The following LRRC4C variants were observed in gnomAD, a reference collection of about 807,000 sequenced individuals.
The protein encoded by LRRC4C is leucine rich repeat containing 4C, also known as leucine-rich repeat-containing protein 4C.
Under a neutral mutation model 33.6 loss-of-function variants are expected in LRRC4C, and 5 were observed. That is an observed-to-expected ratio of 0.15 (90% CI 0.08 to 0.31). LRRC4C has a LOEUF of 0.31. LRRC4C is among the 10% of genes least tolerant of loss of function. The probability of loss-of-function intolerance (pLI) is 1.00; values close to 1 mark genes in which losing one functional copy is unlikely to be tolerated. For missense variants in LRRC4C, 560 were observed against 796.7 expected (o/e 0.70, Z 3.58); for synonymous variants, 329 against 302.0 (o/e 1.09, Z -0.93).
chr11:40,351,359 A>G (rs1186143672), intron 3 of LRRC4C, among the ~76,000 whole-genome samples: 4 of 151,784 alleles, frequency 2.6e-5, no homozygotes, highest in African/African-American at 9.7e-5. Context: ...TGCTGAGGAG[A>G]AGAATGTGCA....
Position 40,771,220 on chromosome 11 carries a change from C to A in LRRC4C, c.-406-122942G>T, listed in dbSNP as rs181250769. Among the ~76,000 whole-genome samples, 15 of 152,300 alleles carry A rather than the reference C, an allele frequency of 9.8e-5. No individual in the cohort carries two copies. The South Asian group carries it at 1.2e-3, about 13-fold the overall frequency. On this transcript the variant is annotated intron_variant, in intron 2 of 6. Transcript: ENST00000528697. ...CAAACCTCAATCCTTGTCTTCTGTGCACCCACAGGACAAACACCACGTGGA... is the reference window on the plus strand; with the variant it reads ...CAAACCTCAATCCTTGTCTTCTGTGAACCCACAGGACAAACACCACGTGGA...
chr11:41,206,225 C>T (rs925096267), intron 1 of LRRC4C, among the ~76,000 whole-genome samples: 1 of 151,996 alleles, frequency 6.6e-6, no homozygotes, highest in Non-Finnish European at 1.5e-5. Context: ...ACATTTCCAC[C>T]AGGTTGGCTT....
At chr11:40,214,225 C>T (rs1863812792) in intron 5 of LRRC4C, among the ~76,000 whole-genome samples, 1 of 152,108 alleles carries the variant, frequency 6.6e-6, no homozygotes, top group African/African-American at 2.4e-5. Context: ...AAATCCTGTC[C>T]TTATGGCAAA....
intron 1 of LRRC4C, among the ~76,000 whole-genome samples, chr11:41,406,706 CCACACACACACACACACA>C (rs112867786): frequency 8.7e-5 from 12 of 138,302 alleles, no homozygotes; most frequent in South Asian, 2.4e-4. Context: ...TACACATTCA[CCACACACACACACACACA>C]CACACACACA....
intron 1 of LRRC4C, among the ~76,000 whole-genome samples, chr11:41,191,510 C>CT (rs1945947481): frequency 6.6e-6 from 1 of 152,246 alleles, no homozygotes; most frequent in African/African-American, 2.4e-5. Context: ...TCTATCATTA[C>CT]TGCCAAAGTT....
intron 1 of LRRC4C, among the ~76,000 whole-genome samples, chr11:40,978,782 C>T (rs990914077): frequency 1.6e-4 from 24 of 151,822 alleles, no homozygotes; most frequent in African/African-American, 3.1e-4. Context: ...CAACCATGCC[C>T]GGCTATTTTT....
At chr11:40,420,679 T>C (rs1950491763) in intron 3 of LRRC4C, among the ~76,000 whole-genome samples, 1 of 152,212 alleles carries the variant, frequency 6.6e-6, no homozygotes, top group Non-Finnish European at 1.5e-5. Flanking sequence ...GAAAGTAACA[T>C]AAACAACCTG....
rs1194251098 is a variant in LRRC4C at position 40,515,081 on chromosome 11, G to T, written c.-270+133061C>A. 2.0e-5 allele frequency among the ~76,000 whole-genome samples: 3 copies of T among 152,194 alleles called. No homozygotes were observed. In the East Asian group the frequency reaches 5.8e-4, roughly 29 times the overall value. On this transcript the variant is annotated intron_variant, in intron 3 of 6. Coordinates refer to ENST00000528697, the MANE Select transcript of LRRC4C (RefSeq NM_001258419.2). ...GATCTTTGAATTTACTCTAGATTCA[G>T]ATATTTCATATTCTCAAACAAAACG...
intron 3 of LRRC4C, among the ~76,000 whole-genome samples, chr11:40,605,971 A>G (rs147000095): frequency 1.3e-5 from 2 of 152,216 alleles, no homozygotes; most frequent in African/African-American, 4.8e-5. Context: ...CATTCTCTAG[A>G]TGGCTGGGGG....
intron 5 of LRRC4C, among the ~76,000 whole-genome samples, chr11:40,192,882 G>C (rs1222627477): frequency 2.0e-5 from 3 of 152,184 alleles, no homozygotes; most frequent in Non-Finnish European, 4.4e-5. Context: ...CAAAGCCGCT[G>C]TAGCCAGACT....
At chr11:41,374,785 G>T (rs1200327791) in intron 1 of LRRC4C, among the ~76,000 whole-genome samples, 1 of 152,008 alleles carries the variant, frequency 6.6e-6, no homozygotes, top group African/African-American at 2.4e-5. Context: ...ATTTTTTCTT[G>T]AGGGTTGTAT....
In LRRC4C at chr11:41,184,648, C is replaced by T. The variant is rs568469128; in HGVS notation, c.-495-250925G>A. Among the ~76,000 whole-genome samples the T allele has an allele frequency of 5.1e-4, 78 of 152,120 alleles. 1 individual carries two copies. The highest frequency in any genetic ancestry group is 1.9e-3 in the African/African-American group (77 of 41,506). ...TACTTTCCCACATTTTCCTGTCTTC[C>T]TCTAAACCCTCCAAACTGTTCCAAT... On this transcript the variant is annotated intron_variant, in intron 1 of 6. Transcript: ENST00000528697.
intron 1 of LRRC4C, among the ~76,000 whole-genome samples, chr11:41,436,990 G>A (rs533799229): frequency 1.3e-5 from 2 of 152,262 alleles, no homozygotes; most frequent in Admixed American, 1.3e-4. Context: ...AAAAAACCAT[G>A]TGACCTGCAA....
In LRRC4C at chr11:40,768,992, G is replaced by T. The variant is rs1172455077; in HGVS notation, c.-406-120714C>A. Among the ~76,000 whole-genome samples the T allele has an allele frequency of 2.6e-5, 4 of 151,876 alleles. No individual in the cohort carries two copies. In the East Asian group the frequency reaches 7.8e-4, roughly 29 times the overall value. On this transcript the variant is annotated intron_variant, in intron 2 of 6. Coordinates refer to ENST00000528697, the MANE Select transcript of LRRC4C (RefSeq NM_001258419.2). ...CTATTAGTCCCAGCTAGTGTTATCA[G>T]AAAATATTAAAAATTAAGGGCATCC...
intron 1 of LRRC4C, among the ~76,000 whole-genome samples, chr11:40,969,567 C>T (rs1007874351): frequency 6.6e-6 from 1 of 152,010 alleles, no homozygotes; most frequent in African/African-American, 2.4e-5. Context: ...ACCTTCAGCA[C>T]TCACCACCCT....
intron 2 of LRRC4C, among the ~76,000 whole-genome samples, chr11:40,663,476 C>T (rs1353997590): frequency 6.6e-6 from 1 of 152,116 alleles, no homozygotes; most frequent in Non-Finnish European, 1.5e-5. Flanking sequence ...CTAACCTAGA[C>T]ACATTTTCTA....
At chr11:41,201,966 A>C (rs1282722756) in intron 1 of LRRC4C, among the ~76,000 whole-genome samples, 4 of 151,816 alleles carry the variant, frequency 2.6e-5, no homozygotes, top group Admixed American at 2.0e-4. Flanking sequence ...AATGCAGTGT[A>C]GTTTTTAGGG....
At chr11:40,198,216 T>C (rs1862422819) in intron 5 of LRRC4C, among the ~76,000 whole-genome samples, 1 of 152,142 alleles carries the variant, frequency 6.6e-6, no homozygotes, top group Admixed American at 6.6e-5. Flanking sequence ...GAACTTTGGT[T>C]TCATGTAGAC....
chr11:40,715,417 G>A (rs983424315), intron 2 of LRRC4C, among the ~76,000 whole-genome samples: 1 of 152,162 alleles, frequency 6.6e-6, no homozygotes, highest in African/African-American at 2.4e-5. Context: ...AGTATATAGA[G>A]CAGCAACAAT....
Sources: allele counts gnomAD v4.1 joint callset (sites outside exome capture counted in the v4.1 genomes callset), GRCh38; gene constraint gnomAD v4.1.1; transcripts MANE v1.5; gene names NCBI Gene and HGNC (gene_info 2026-07-23, HGNC 2026-07-21).